LRRTM4: variants seen among roughly 807,000 people sequenced by gnomAD.
LRRTM4 encodes the protein leucine rich repeat transmembrane neuronal 4, also known as leucine-rich repeat transmembrane neuronal protein 4.
In LRRTM4, 25 loss-of-function variants were observed where a neutral mutation model predicts 47.6. The ratio of observed to expected loss-of-function variants is 0.53; its 90% CI spans 0.38 to 0.73. LRRTM4 has a LOEUF of 0.73. Ranked by LOEUF, LRRTM4 falls within the 30% of genes least tolerant of loss-of-function variation. The pLI is 0.00. For missense variants in LRRTM4, 638 were observed against 713.4 expected, an observed-to-expected ratio of 0.89 and a Z score of 1.20; for synonymous variants, 311 against 269.5, an observed-to-expected ratio of 1.15 and a Z score of -1.51.
chr2:77,444,452 C>T (rs762184593), intron 3 of LRRTM4, among the ~76,000 whole-genome samples: 4 of 151,982 alleles, frequency 2.6e-5, no homozygotes, highest in Middle Eastern at 3.4e-3. Flanking sequence ...GAAAGAATAA[C>T]GTGGAAGGAC....
At chr2:76,826,419 G>GA (rs944632097) in intron 3 of LRRTM4, among the ~76,000 whole-genome samples, 1 of 151,306 alleles carries the variant, frequency 6.6e-6, no homozygotes, top group Non-Finnish European at 1.5e-5. Flanking sequence ...TGCATAAAAG[G>GA]AAAAAAATAA....
intron 3 of LRRTM4, among the ~76,000 whole-genome samples, chr2:77,515,235 T>C (rs1679162814): frequency 6.6e-6 from 1 of 151,904 alleles, no homozygotes. Flanking sequence ...ACTGCCCAAA[T>C]TATTAAAATA....
At chr2:77,070,207 A>T (rs1558561821) in intron 3 of LRRTM4, among the ~76,000 whole-genome samples, 2 of 152,150 alleles carry the variant, frequency 1.3e-5, no homozygotes, top group Non-Finnish European at 2.9e-5. Context: ...CACCAAATTC[A>T]TGCTTCTTAC....
intron 3 of LRRTM4, among the ~76,000 whole-genome samples, chr2:77,160,078 G>T (rs1428736507): frequency 6.6e-6 from 1 of 152,088 alleles, no homozygotes; most frequent in African/African-American, 2.4e-5. Context: ...TCTCCAAGAT[G>T]CATATCTTCA....
intron 3 of LRRTM4, among the ~76,000 whole-genome samples, chr2:77,039,013 AC>A (rs1678936397): frequency 6.6e-6 from 1 of 151,284 alleles, no homozygotes; most frequent in South Asian, 2.1e-4. Flanking sequence ...ACCTCTAAAA[AC>A]CCCCTTCAGT....
chr2:77,479,116 G>T (rs533893001), intron 3 of LRRTM4, among the ~76,000 whole-genome samples: 4 of 151,912 alleles, frequency 2.6e-5, no homozygotes, highest in African/African-American at 4.8e-5. Context: ...GGCTGGTCTC[G>T]AACTCCTGAC....
chr2:77,287,584 C>T (rs918694205), intron 3 of LRRTM4, among the ~76,000 whole-genome samples: 1 of 151,794 alleles, frequency 6.6e-6, no homozygotes, highest in Admixed American at 6.6e-5. Context: ...AATGACGTGC[C>T]ACTCTGAGTA....
At chr2:76,797,957 T>C (rs551130893) in intron 3 of LRRTM4, among the ~76,000 whole-genome samples, 4 of 149,550 alleles carry the variant, frequency 2.7e-5, no homozygotes, top group Non-Finnish European at 4.5e-5. Flanking sequence ...AGCATCCAGA[T>C]TCATAAAGCA....
intron 3 of LRRTM4, among the ~76,000 whole-genome samples, chr2:76,781,672 T>G (rs79680688): frequency 0.033 from 4,371 of 131,970 alleles, 119 homozygotes; most frequent in African/African-American, 0.077. Flanking sequence ...CCAATGAGAT[T>G]AACCCGGTAC....
At chr2:77,073,396 C>T (rs1382173230) in intron 3 of LRRTM4, among the ~76,000 whole-genome samples, 2 of 150,780 alleles carry the variant, frequency 1.3e-5, no homozygotes, top group African/African-American at 2.5e-5. Flanking sequence ...CAGATAAATA[C>T]ATTAATTATT....
intron 3 of LRRTM4, among the ~76,000 whole-genome samples, chr2:77,217,258 C>G (rs1045820871): frequency 6.6e-6 from 1 of 150,536 alleles, no homozygotes; most frequent in Non-Finnish European, 1.5e-5. Context: ...AATCTGTTTA[C>G]TCTAGGCAGC....
At chr2:77,463,485 G>A (rs1676867164) in intron 3 of LRRTM4, among the ~76,000 whole-genome samples, 3 of 151,924 alleles carry the variant, frequency 2.0e-5, no homozygotes, top group Non-Finnish European at 4.4e-5. Context: ...AAAATAGCTT[G>A]CAGATACTCA....
intron 3 of LRRTM4, chr2:77,008,945 A>C (rs1677763958): frequency 9.1e-6 from 1 of 109,750 alleles, no homozygotes; most frequent in African/African-American, 5.0e-5. Flanking sequence ...CAAGAAAAAA[A>C]AGAAAAGAAA....
intron 3 of LRRTM4, among the ~76,000 whole-genome samples, chr2:76,854,270 G>C (rs983823494): frequency 6.6e-6 from 1 of 152,096 alleles, no homozygotes; most frequent in Non-Finnish European, 1.5e-5. Flanking sequence ...TGAGGGGTTA[G>C]TATTATTATT....
intron 3 of LRRTM4, among the ~76,000 whole-genome samples, chr2:76,895,018 T>G (rs2103724918): frequency 6.6e-6 from 1 of 151,970 alleles, no homozygotes; most frequent in South Asian, 2.1e-4. Context: ...TTAGAAATTA[T>G]ATTGTATTTT....
At chr2:76,861,835 C>T (rs1293441447) in intron 3 of LRRTM4, among the ~76,000 whole-genome samples, 1 of 152,092 alleles carries the variant, frequency 6.6e-6, no homozygotes, top group African/African-American at 2.4e-5. Flanking sequence ...CTGCTTTACT[C>T]TTAAACGTAG....
At chr2:77,061,892 C>T (rs1573516233) in intron 3 of LRRTM4, among the ~76,000 whole-genome samples, 1 of 151,970 alleles carries the variant, frequency 6.6e-6, no homozygotes, top group East Asian at 1.9e-4. Context: ...CTTTCAAAGT[C>T]ATCTACATAG....
chr2:77,074,728 G>C (rs1404916775), intron 3 of LRRTM4, among the ~76,000 whole-genome samples: 1 of 152,018 alleles, frequency 6.6e-6, no homozygotes, highest in African/African-American at 2.4e-5. Context: ...CATGAAAAAA[G>C]GTCAATTGTT....
chr2:77,131,041 AG>A (rs1171578584), intron 3 of LRRTM4, among the ~76,000 whole-genome samples: 10 of 147,288 alleles, frequency 6.8e-5, no homozygotes, highest in African/African-American at 1.8e-4. Flanking sequence ...TCACCGTTTT[AG>A]CCGGGATGGT....
Sources: gnomAD v4.1 joint callset for allele counts (sites outside exome capture counted in the v4.1 genomes callset) on GRCh38, gnomAD v4.1.1 for gene constraint, MANE v1.5 for transcripts, NCBI Gene and HGNC (gene_info 2026-07-23, HGNC 2026-07-21) for gene names.